Variants in DPY19L3 observed in about 807,000 individuals in gnomAD.
DPY19L3 encodes the protein dpy-19 like C-mannosyltransferase 3.
DPY19L3 carries 51 observed loss-of-function variants against 92.3 expected under a neutral mutation model. That is an observed-to-expected ratio of 0.55 (90% CI 0.44 to 0.70). The LOEUF is 0.70. DPY19L3 is among the 30% of genes least tolerant of loss of function. The pLI, the probability that DPY19L3 is intolerant of heterozygous loss-of-function variation, is 0.00. For missense variants in DPY19L3, 706 were observed against 855.9 expected (o/e 0.82, Z 2.18); for synonymous variants, 309 against 315.2 (o/e 0.98, Z 0.21).
intron 6 of DPY19L3, 183 bp from the exon 7 acceptor site, chr19:32,438,929 A>G (rs555059606): frequency 4.3e-6 from 3 of 690,614 alleles, no homozygotes; most frequent in East Asian, 2.8e-5. Context: ...CTCTATGCCA[A>G]TTTTATGTTA....
At chr19:32,452,525 T>C (rs1200206427) in intron 8 of DPY19L3, among the ~76,000 whole-genome samples, 1 of 152,204 alleles carries the variant, frequency 6.6e-6, no homozygotes, top group Non-Finnish European at 1.5e-5. Flanking sequence ...AAAAGAAAAC[T>C]GAAGATTATA....
At chr19:32,446,889 A>C (rs1315516329) in intron 8 of DPY19L3, among the ~76,000 whole-genome samples, 1 of 152,180 alleles carries the variant, frequency 6.6e-6, no homozygotes. Context: ...TAGAAACTCC[A>C]CCCAGTAACA....
chr19:32,429,053 T>C (rs978101787), intron 3 of DPY19L3, among the ~76,000 whole-genome samples: 2 of 152,092 alleles, frequency 1.3e-5, no homozygotes, highest in East Asian at 3.9e-4. Flanking sequence ...TTCACCATCT[T>C]GGCCAGGCTG....
intron 8 of DPY19L3, among the ~76,000 whole-genome samples, chr19:32,452,355 A>G (rs1317257912): frequency 6.6e-6 from 1 of 152,240 alleles, no homozygotes; most frequent in African/African-American, 2.4e-5. Flanking sequence ...GGACAAGGTC[A>G]TGCAGCAGGA....
intron 3 of DPY19L3, among the ~76,000 whole-genome samples, chr19:32,415,521 T>C (rs1171757500): frequency 6.6e-6 from 1 of 152,180 alleles, no homozygotes; most frequent in South Asian, 2.1e-4. Context: ...CTTCTCTGTC[T>C]CAAAGATAGA....
At chr19:32,407,254 A>C (rs1599574818) in intron 1 of DPY19L3, among the ~76,000 whole-genome samples, 10 of 114,788 alleles carry the variant, frequency 8.7e-5, no homozygotes, top group South Asian at 3.1e-4. Context: ...CTGCCAAACC[A>C]GGCTCCTGCT....
intron 9 of DPY19L3, among the ~76,000 whole-genome samples, 187 bp downstream of exon 9, chr19:32,453,463 C>T (rs1969771477): frequency 6.6e-6 from 1 of 152,170 alleles, no homozygotes; most frequent in South Asian, 2.1e-4. Flanking sequence ...TCTGGGTCAT[C>T]CTTTTATTTT....
At chr19:32,413,463 ATTATAC>A (rs1968265086) in intron 3 of DPY19L3, among the ~76,000 whole-genome samples, 1 of 149,644 alleles carries the variant, frequency 6.7e-6, no homozygotes. Context: ...TTTAATTATT[ATTATAC>A]TTTAAGTTTT....
chr19:32,410,594 C>G (rs1347649781), intron 2 of DPY19L3, among the ~76,000 whole-genome samples: 1 of 152,008 alleles, frequency 6.6e-6, no homozygotes, highest in Non-Finnish European at 1.5e-5. Context: ...ACCAGCCTGG[C>G]CAACATGGTG....
At chr19:32,414,421 A>AC (rs1263457428) in intron 3 of DPY19L3, among the ~76,000 whole-genome samples, 1 of 150,976 alleles carries the variant, frequency 6.6e-6, no homozygotes, top group Admixed American at 6.6e-5. Context: ...TCTCCAAAAA[A>AC]AAAAAACAAA....
At chr19:32,447,860 A>ATAGATAGG (rs1281356046) in intron 8 of DPY19L3, among the ~76,000 whole-genome samples, 1 of 152,052 alleles carries the variant, frequency 6.6e-6, no homozygotes, top group Non-Finnish European at 1.5e-5. Context: ...AGATAGATAG[A>ATAGATAGG]GCTGGCTCTT....
At chr19:32,471,471 G>A (rs769024333) in intron 16 of DPY19L3, among the ~76,000 whole-genome samples, 1 of 152,186 alleles carries the variant, frequency 6.6e-6, no homozygotes, top group Non-Finnish European at 1.5e-5. Flanking sequence ...GAGAAATAGT[G>A]GCCTGTGGAA....
rs775763768 is a variant in DPY19L3, at chr19:32,454,215, T to TA, written c.988-723dup. On this transcript the variant is annotated intron_variant, in intron 9 of 18. Transcript: ENST00000392250. Reference sequence around the variant, plus strand: ...TCAAAAGGCACAATGTACTTCTTTTTACACCCATAAGTCTTTTATGTAATT... The same window carrying TA: ...TCAAAAGGCACAATGTACTTCTTTTTAACACCCATAAGTCTTTTATGTAATT... 1.2e-3 allele frequency among the ~76,000 whole-genome samples: 184 copies of TA among 152,326 alleles called. 1 individual carries two copies. The highest frequency in any genetic ancestry group is 2.2e-3 in the Non-Finnish European group (150 of 68,022).
chr19:32,462,899 A>C (rs531233867), intron 12 of DPY19L3, among the ~76,000 whole-genome samples: 1 of 152,304 alleles, frequency 6.6e-6, no homozygotes, highest in African/African-American at 2.4e-5. Flanking sequence ...CATCTTTTGG[A>C]TATCAGGAGG....
At chr19:32,422,300 A>G (rs554569519) in intron 3 of DPY19L3, among the ~76,000 whole-genome samples, 3 of 152,362 alleles carry the variant, frequency 2.0e-5, no homozygotes, top group Non-Finnish European at 4.4e-5. Context: ...AAGCAGAAAC[A>G]TAAGAAGGTA....
chr19:32,480,730 C>A, intron 18 of DPY19L3, 173 bp downstream of exon 18: 1 of 910,784 alleles, frequency 1.1e-6, no homozygotes, highest in Non-Finnish European at 1.6e-6. Flanking sequence ...ACTTTAGTGA[C>A]TGCCACCGGG....
intron 10 of DPY19L3, among the ~76,000 whole-genome samples, chr19:32,456,661 T>A (rs781025167): frequency 4.6e-5 from 7 of 152,180 alleles, no homozygotes; most frequent in Non-Finnish European, 5.9e-5. Flanking sequence ...CTCAAACACC[T>A]GGGCTCAAGG....
intron 12 of DPY19L3, among the ~76,000 whole-genome samples, chr19:32,459,712 G>A (rs187583452): frequency 3.9e-5 from 6 of 152,216 alleles, no homozygotes; most frequent in Admixed American, 3.9e-4. Flanking sequence ...GCCATGCTCT[G>A]TGTGAATCTA....
At chr19:32,472,041 C>T (rs974459285) in intron 16 of DPY19L3, among the ~76,000 whole-genome samples, 2 of 152,126 alleles carry the variant, frequency 1.3e-5, no homozygotes, top group Non-Finnish European at 2.9e-5. Flanking sequence ...CTGGAGTAAC[C>T]GCTGGGCCTC....
Sources: allele counts gnomAD v4.1 joint callset (sites outside exome capture counted in the v4.1 genomes callset), GRCh38; gene constraint gnomAD v4.1.1; transcripts MANE v1.5; gene names NCBI Gene and HGNC (gene_info 2026-07-23, HGNC 2026-07-21).